Variants in ABLIM3 observed in about 807,000 individuals in gnomAD.
The protein encoded by ABLIM3 is actin binding LIM protein family member 3, also known as actin-binding LIM protein 3.
A neutral mutation model predicts 109.5 loss-of-function variants in ABLIM3; 61 were observed. The observed-to-expected ratio is 0.56, with a 90% CI of 0.45 to 0.69. The LOEUF is 0.69. ABLIM3 is among the 30% of genes least tolerant of loss of function. The pLI is 0.00. For synonymous variants in ABLIM3, 300 were observed against 324.8 expected (o/e 0.92, Z 0.82); for missense variants, 796 against 889.5 (o/e 0.89, Z 1.34).
chr5:149,173,417 T>G (rs1755623510), intron 2 of ABLIM3, among the ~76,000 whole-genome samples: 1 of 152,340 alleles, frequency 6.6e-6, no homozygotes, highest in Middle Eastern at 3.4e-3. Context: ...CTCAGGCAAG[T>G]GTCCCTGATC....
rs375885140 is a variant in ABLIM3, at chr5:149,252,262, C to G, written c.1857+54C>G. ...CTCCAGGATTCTTGGAGCCGCTACA[C>G]TGGGGATCACCAGGAGGATGACAGC... On this transcript the variant is annotated intron_variant, in intron 22 of 23. Coordinates refer to ENST00000309868, the MANE Select transcript of ABLIM3 (RefSeq NM_014945.5). 1.1e-5 allele frequency: 18 copies of G among 1,597,306 alleles called. No individual in the cohort carries two copies. The African/African-American group carries it at 2.4e-4, about 21-fold the overall frequency.
chr5:149,207,427 G>A (rs562602334), intron 6 of ABLIM3, among the ~76,000 whole-genome samples: 154 of 152,126 alleles, frequency 1.0e-3, no homozygotes, highest in African/African-American at 3.5e-3. Context: ...TTACTGCCCC[G>A]TTTTGGGCCC....
rs1753813703 is a variant in ABLIM3, at chr5:149,250,460, C to G, written c.1743C>G (p.Ser581=). Residue 581 remains serine (S), a synonymous_variant, in exon 20 of 24, where the codon TCC becomes TCG. Coordinates refer to ENST00000309868, the MANE Select transcript of ABLIM3 (RefSeq NM_014945.5). ...HYLADSDPLI[S]KSASLPAYRR... is the part of the protein sequence containing the mutation. Reference sequence around the variant, plus strand: ...CCTTCTTTTCAGATCCTCTCATCTCCAAATCTGCCTCCCTGCCTGCCTACC... The same window carrying G: ...CCTTCTTTTCAGATCCTCTCATCTCGAAATCTGCCTCCCTGCCTGCCTACC... 1.9e-6 allele frequency: 3 copies of G among 1,614,172 alleles called. No individual in the cohort carries two copies. In the East Asian group the frequency reaches 6.7e-5, roughly 36 times the overall value.
At chr5:149,258,264 CA>C in intron 23 of ABLIM3, 26 bp from the exon 24 acceptor site, 3 of 1,604,814 alleles carry the variant, frequency 1.9e-6, no homozygotes, top group Admixed American at 1.7e-5. Flanking sequence ...TCTGTCCCCC[CA>C]CCCCCGCCTG....
At chr5:149,199,723 C>T (rs938287308) in intron 4 of ABLIM3, among the ~76,000 whole-genome samples, 4 of 152,182 alleles carry the variant, frequency 2.6e-5, no homozygotes, top group Admixed American at 1.3e-4. Flanking sequence ...ACTGCATGGG[C>T]GAGAACAGCT....
chr5:149,161,464 A>C (rs1754358619), intron 2 of ABLIM3, among the ~76,000 whole-genome samples: 1 of 152,124 alleles, frequency 6.6e-6, no homozygotes, highest in Admixed American at 6.6e-5. Context: ...TAAGCCCTTT[A>C]TGTGAGTAGG....
intron 2 of ABLIM3, among the ~76,000 whole-genome samples, chr5:149,155,241 A>T (rs1304493900): frequency 6.6e-6 from 1 of 152,136 alleles, no homozygotes; most frequent in Admixed American, 6.5e-5. Context: ...CAGGGGAAAC[A>T]TGGATTGGGA....
chr5:149,146,847 A>G (rs1005721425), intron 2 of ABLIM3, among the ~76,000 whole-genome samples: 6 of 152,174 alleles, frequency 3.9e-5, no homozygotes, highest in African/African-American at 1.4e-4. Context: ...CTAATTCTGT[A>G]AAAAATGATG....
Position 149,244,877 on chromosome 5 carries a change from G to A in ABLIM3, c.1352-4G>A. On this transcript the variant is annotated splice_region_variant and splice_polypyrimidine_tract_variant and intron_variant, in intron 15 of 23. Transcript: ENST00000309868. ...CTGAAGTGCTCTCCTTGGGTCCTCT[G>A]CAGGTGATTTGTCTACAGCAACCAA... 6.2e-7 allele frequency: 1 copy of A among 1,614,194 alleles called. No homozygotes were observed. The highest frequency in any genetic ancestry group is 8.5e-7 in the Non-Finnish European group (1 of 1,180,028).
chr5:149,165,934 C>T (rs1377300376), intron 2 of ABLIM3, among the ~76,000 whole-genome samples: 1 of 152,172 alleles, frequency 6.6e-6, no homozygotes, highest in Non-Finnish European at 1.5e-5. Context: ...TCAAAAACCC[C>T]TCAAAGGGTT....
chr5:149,236,758 T>C (rs563494927), intron 10 of ABLIM3, among the ~76,000 whole-genome samples: 2 of 152,254 alleles, frequency 1.3e-5, no homozygotes, highest in Non-Finnish European at 2.9e-5. Context: ...AAGCTCCCTG[T>C]GTTGAAACTT....
intron 14 of ABLIM3, among the ~76,000 whole-genome samples, chr5:149,242,079 G>A (rs1444631348): frequency 6.6e-6 from 1 of 152,204 alleles, no homozygotes; most frequent in Non-Finnish European, 1.5e-5. Flanking sequence ...TGTCTTTGAG[G>A]GAGGGGGAGG....
chr5:149,164,005 A>G (rs1754612553), intron 2 of ABLIM3: 1 of 152,162 alleles, frequency 6.6e-6, no homozygotes, highest in South Asian at 2.1e-4. Context: ...AAGGGTATTT[A>G]GATAGTCTTT....
intron 8 of ABLIM3, among the ~76,000 whole-genome samples, chr5:149,227,557 G>A (rs1230958042): frequency 9.2e-5 from 14 of 152,158 alleles, no homozygotes; most frequent in Admixed American, 9.2e-4. Context: ...CTCAAATTAT[G>A]AGTCATAAAA....
Position 149,206,331 on chromosome 5 carries a change from G to A in ABLIM3, c.449-677G>A, listed in dbSNP as rs112180801. On this transcript the variant is annotated intron_variant, in intron 5 of 23. Coordinates refer to ENST00000309868, the MANE Select transcript of ABLIM3 (RefSeq NM_014945.5). ...TTGCCACTTGGGAAGGCACATGTTC[G>A]ATGTGTGAAGCACAATGGGGAAGGG... Among the ~76,000 whole-genome samples, 1,490 of 152,296 alleles carry A rather than the reference G, an allele frequency of 9.8e-3. 18 individuals are homozygous for A. Among genetic ancestry groups the A allele is most frequent in the African/African-American group, 0.034 (1,426 of 41,564 alleles).
At chr5:149,229,263 G>A (rs1761608100) in intron 8 of ABLIM3, among the ~76,000 whole-genome samples, 1 of 152,152 alleles carries the variant, frequency 6.6e-6, no homozygotes, top group Non-Finnish European at 1.5e-5. Context: ...TTTTACTTTA[G>A]AAAGAATTAA....
chr5:149,254,452 A>T (rs1171748309), intron 23 of ABLIM3, among the ~76,000 whole-genome samples: 1 of 152,094 alleles, frequency 6.6e-6, no homozygotes, highest in Non-Finnish European at 1.5e-5. Flanking sequence ...GGGCTGGGAG[A>T]GGTGTCAGAA....
intron 8 of ABLIM3, among the ~76,000 whole-genome samples, chr5:149,230,003 T>G (rs145627464): frequency 2.7e-4 from 41 of 152,348 alleles, no homozygotes; most frequent in African/African-American, 8.4e-4. Context: ...TCCTCCCCCT[T>G]AAATGTGATA....
rs779342803 is a variant in ABLIM3, at chr5:149,183,635, T to A, written c.151+46T>A. The stretch of plus-strand genomic sequence containing the variant: ...ACTCTCTTCTTAGATTCCTGACCAT[T>A]CTTGCACCATCAGGTCATGCCTCAG... On this transcript the variant is annotated intron_variant, in intron 3 of 23. Transcript: ENST00000309868. 10 of 1,476,506 alleles carry A rather than the reference T, an allele frequency of 6.8e-6. No individual in the cohort carries two copies. In the East Asian group the frequency reaches 2.3e-4, roughly 34 times the overall value. The allele number at this position is 1,476,506 out of a possible 1,614,324, so 91.5% of individuals were successfully genotyped here.
Sources: allele counts gnomAD v4.1 joint callset (sites outside exome capture counted in the v4.1 genomes callset), GRCh38; gene constraint gnomAD v4.1.1; transcripts MANE v1.5; gene names NCBI Gene and HGNC (gene_info 2026-07-23, HGNC 2026-07-21).